Variants in MMP16 observed in about 807,000 individuals in gnomAD.
MMP16 encodes matrix metallopeptidase 16.
Under a neutral mutation model 67.8 loss-of-function variants are expected in MMP16, and 12 were observed. The observed-to-expected ratio is 0.18, with a 90% CI of 0.11 to 0.29. The LOEUF is 0.29. Ranked by LOEUF, MMP16 falls within the 10% of genes least tolerant of loss-of-function variation. The probability of loss-of-function intolerance (pLI) is 1.00; values close to 1 mark genes in which losing one functional copy is unlikely to be tolerated. For synonymous variants in MMP16, 249 were observed against 255.9 expected, an observed-to-expected ratio of 0.97 and a Z score of 0.26; for missense variants, 475 against 765.7, an observed-to-expected ratio of 0.62 and a Z score of 4.48.
intron 1 of MMP16, among the ~76,000 whole-genome samples, chr8:88,261,223 G>A (rs1443879979): frequency 6.6e-6 from 1 of 152,086 alleles, no homozygotes; most frequent in Admixed American, 6.5e-5. Context: ...GGATCCAAGA[G>A]TAGGTAGTTA....
chr8:88,162,687 A>C (rs1207824525), intron 4 of MMP16, among the ~76,000 whole-genome samples: 3 of 152,002 alleles, frequency 2.0e-5, no homozygotes, highest in African/African-American at 7.2e-5. Context: ...TCATTGGGGC[A>C]GATTTGCACT....
At chr8:88,049,977 A>T (rs1202250833) in intron 8 of MMP16, among the ~76,000 whole-genome samples, 1 of 152,120 alleles carries the variant, frequency 6.6e-6, no homozygotes, top group Non-Finnish European at 1.5e-5. Flanking sequence ...GTGAGCTGTG[A>T]TTGTGCCACT....
intron 8 of MMP16, among the ~76,000 whole-genome samples, chr8:88,053,967 A>C (rs1453455816): frequency 2.0e-5 from 3 of 151,938 alleles, no homozygotes; most frequent in South Asian, 4.2e-4. Context: ...GATCTAAAAA[A>C]CCCTTTTCCC....
chr8:88,070,698 C>T (rs1001432442), intron 7 of MMP16, among the ~76,000 whole-genome samples: 4 of 152,050 alleles, frequency 2.6e-5, no homozygotes, highest in East Asian at 1.9e-4. Context: ...GGTTCCCCTA[C>T]GTTGTGCCGC....
intron 7 of MMP16, among the ~76,000 whole-genome samples, chr8:88,070,707 G>A (rs1208456845): frequency 2.6e-5 from 4 of 151,986 alleles, no homozygotes; most frequent in Admixed American, 6.6e-5. Context: ...ACGTTGTGCC[G>A]CAGCCTGTAA....
In MMP16 at chr8:88,038,436, T is replaced by C. The variant is rs146280604; in HGVS notation, c.*3025A>G. ...TTATTTTCTAGCCCTTATATACTGA[T>C]AGCCTTATGACGAATCAGGATATTG... is the stretch of plus-strand genomic sequence containing the variant. On this transcript the variant is annotated 3_prime_UTR_variant, in exon 10 of 10. Coordinates refer to ENST00000286614, the MANE Select transcript of MMP16 (RefSeq NM_005941.5). This position sits in a 1 kb window ranked among gnomAD's most constrained non-coding sequence, Gnocchi z 4.1. The C allele has an allele frequency of 3.8e-3, 583 of 152,594 alleles. 6 individuals carry two copies. The highest frequency in any genetic ancestry group is 0.024 in the Middle Eastern group (7 of 294). The allele number at this position is 152,594 out of a possible 1,614,324, so 9.5% of individuals were successfully genotyped here.
At chr8:88,271,486 T>A (rs565635305) in intron 1 of MMP16, among the ~76,000 whole-genome samples, 4 of 151,840 alleles carry the variant, frequency 2.6e-5, no homozygotes, top group Admixed American at 6.6e-5. Context: ...TTGGATTTTA[T>A]TTTATTTATT....
chr8:88,327,251 T>A lies in MMP16; in HGVS notation c.-45A>T. The A allele has an allele frequency of 6.2e-7, 1 of 1,610,250 alleles. No homozygotes were observed. Among genetic ancestry groups the A allele is most frequent in the Non-Finnish European group, 8.5e-7 (1 of 1,177,528 alleles). Reference sequence around the variant, plus strand: ...GATGGACGAGCTCCCCTTCGTTTTCTCCCTCTCTCCCTCTCCCTCCCTCCC... The same window carrying A: ...GATGGACGAGCTCCCCTTCGTTTTCACCCTCTCTCCCTCTCCCTCCCTCCC... On this transcript the variant is annotated 5_prime_UTR_variant, in exon 1 of 10. Coordinates refer to ENST00000286614, the MANE Select transcript of MMP16 (RefSeq NM_005941.5).
At chr8:88,073,178 G>T (rs1272442141) in intron 7 of MMP16, among the ~76,000 whole-genome samples, 2 of 152,254 alleles carry the variant, frequency 1.3e-5, no homozygotes, top group Admixed American at 6.5e-5. Context: ...TGTAGGAGAG[G>T]GGAATTTCCC....
chr8:88,164,319 A>AT (rs1209574176), intron 4 of MMP16, among the ~76,000 whole-genome samples: 1 of 151,994 alleles, frequency 6.6e-6, no homozygotes, highest in African/African-American at 2.4e-5. Context: ...AAAAAAAAAA[A>AT]GTTTATCCAT....
intron 1 of MMP16, among the ~76,000 whole-genome samples, chr8:88,258,703 C>T (rs1370816497): frequency 1.3e-5 from 2 of 152,162 alleles, no homozygotes; most frequent in Non-Finnish European, 2.9e-5. Flanking sequence ...CAGAAAACTA[C>T]ATTTTCATTT....
At chr8:88,130,833 T>C (rs901141520) in intron 4 of MMP16, among the ~76,000 whole-genome samples, 11 of 151,528 alleles carry the variant, frequency 7.3e-5, no homozygotes, top group African/African-American at 2.7e-4. Flanking sequence ...TGTTTCATAA[T>C]TTTTACAGAT....
chr8:88,197,703 C>T (rs1013127532), intron 1 of MMP16, among the ~76,000 whole-genome samples: 1 of 152,078 alleles, frequency 6.6e-6, no homozygotes, highest in African/African-American at 2.4e-5. Context: ...TTGCAAAGGG[C>T]AGTCAATGTG....
At chr8:88,047,678 G>T (rs1280059296) in intron 8 of MMP16, among the ~76,000 whole-genome samples, 1 of 152,190 alleles carries the variant, frequency 6.6e-6, no homozygotes, top group East Asian at 1.9e-4. Context: ...TGGAGACATG[G>T]TGAGAGTAAG....
rs1808025514 is a variant in MMP16 at position 88,034,276 on chromosome 8, A to T, written c.*7185T>A. 1 of 152,340 alleles carries T rather than the reference A, an allele frequency of 6.6e-6. No homozygotes were observed. 9.4% of individuals were successfully genotyped at this position (152,340 alleles called of 1,614,324 possible). A position where few individuals can be genotyped will look rare whatever the true frequency, so the allele number is the denominator to read the frequency against. The stretch of plus-strand genomic sequence containing the variant: ...AAAAGGCAAGATAGGAATAGAAAGA[A>T]ATGCAAATATAGACAGAGACTGCAT... On this transcript the variant is annotated 3_prime_UTR_variant, in exon 10 of 10. Transcript: ENST00000286614.
At chr8:88,102,996 G>A (rs535717538) in intron 6 of MMP16, among the ~76,000 whole-genome samples, 1 of 151,868 alleles carries the variant, frequency 6.6e-6, no homozygotes, top group Admixed American at 6.6e-5. Flanking sequence ...CAGTTAACCT[G>A]GCCAGTGGAA....
chr8:88,229,502 C>A (rs548598359), intron 1 of MMP16, among the ~76,000 whole-genome samples: 6 of 152,036 alleles, frequency 3.9e-5, no homozygotes, highest in Non-Finnish European at 7.4e-5. Context: ...ACAGTGAAAT[C>A]TTAGCCAGGG....
At chr8:88,085,881 T>C (rs2664356) in intron 6 of MMP16, among the ~76,000 whole-genome samples, 149,448 of 151,726 alleles carry the variant, frequency 0.98, 73,647 homozygotes, top group East Asian at 1. Context: ...ATCTCAACAC[T>C]GAAGAGTTTA....
intron 1 of MMP16, among the ~76,000 whole-genome samples, chr8:88,264,100 T>C (rs931731336): frequency 2.1e-5 from 3 of 145,884 alleles, no homozygotes; most frequent in South Asian, 2.3e-4. Context: ...TGTGTGTGTA[T>C]ACATATATTA....
Sources: gnomAD v4.1 joint callset for allele counts (sites outside exome capture counted in the v4.1 genomes callset) on GRCh38, gnomAD v4.1.1 for gene constraint, Gnocchi (gnomAD v3.1) non-coding constraint, MANE v1.5 for transcripts, NCBI Gene and HGNC (gene_info 2026-07-23, HGNC 2026-07-21) for gene names.